Variants in ASB3 observed in about 807,000 individuals in gnomAD.
The protein encoded by ASB3 is ankyrin repeat and SOCS box protein 3.
In ASB3, 41 loss-of-function variants were observed where a neutral mutation model predicts 54.5. That is an observed-to-expected ratio of 0.75 (90% CI 0.59 to 0.98). The LOEUF is 0.98. Ranked by LOEUF, ASB3 falls within the 50% of genes least tolerant of loss-of-function variation. The pLI, the probability that ASB3 is intolerant of heterozygous loss-of-function variation, is 0.00. For missense variants in ASB3, 733 were observed against 620.0 expected (o/e 1.18, Z -1.94); for synonymous variants, 266 against 221.2 (o/e 1.20, Z -1.80).
rs369602324 is a variant in ASB3, at chr2:53,781,293, T to C, written c.-14+5528A>G. Among the ~76,000 whole-genome samples the C allele has an allele frequency of 4.6e-5, 7 of 152,018 alleles. No homozygotes were observed. The South Asian group carries it at 6.2e-4, about 14-fold the overall frequency. On this transcript the variant is annotated intron_variant, in intron 1 of 9. Coordinates refer to ENST00000263634, the MANE Select transcript of ASB3 (RefSeq NM_016115.5). Reference sequence around the variant, plus strand: ...CAGGCGTGGTGGTGCACACCTGTAGTTCCAGCTACTGAGAAGGCTGAGGTG... The same window carrying C: ...CAGGCGTGGTGGTGCACACCTGTAGCTCCAGCTACTGAGAAGGCTGAGGTG...
intron 7 of ASB3, among the ~76,000 whole-genome samples, chr2:53,702,817 A>T (rs1441324166): frequency 6.6e-6 from 1 of 152,256 alleles, no homozygotes; most frequent in African/African-American, 2.4e-5. Flanking sequence ...TACTTTAAAC[A>T]AATAGAAATG....
chr2:53,727,843 A>C (rs774772260), intron 5 of ASB3, among the ~76,000 whole-genome samples: 45 of 152,018 alleles, frequency 3.0e-4, no homozygotes, highest in Non-Finnish European at 4.4e-4. Context: ...CTCATGTCTC[A>C]GCTTCCCTAG....
Position 53,750,830 on chromosome 2 carries a change from GC to G in ASB3, c.307del (p.Ala103GlnfsTer8). 6.2e-7 allele frequency: 1 copy of G among 1,601,872 alleles called. No individual in the cohort carries two copies. Among genetic ancestry groups the G allele is most frequent in the Non-Finnish European group, 8.5e-7 (1 of 1,174,172 alleles). ...TTCTAAAGTAGTTGCATTAGGATCT[GC>G]CCCAGCTTCTAAAAGAATCTGTACG... ...KIVQILLEAG[A>X]DPNATTLEET... On this transcript the variant is annotated frameshift_variant, in exon 3 of 10. Transcript: ENST00000263634. LOFTEE classifies it high-confidence loss of function.
intron 9 of ASB3, among the ~76,000 whole-genome samples, chr2:53,692,074 C>A (rs1668947387): frequency 6.6e-6 from 1 of 152,124 alleles, no homozygotes; most frequent in African/African-American, 2.4e-5. Context: ...GCATCCCTGG[C>A]CTCTACCCCT....
intron 2 of ASB3, among the ~76,000 whole-genome samples, chr2:53,751,998 C>T (rs1354570010): frequency 6.6e-6 from 1 of 152,114 alleles, no homozygotes; most frequent in African/African-American, 2.4e-5. Context: ...TCAGACATGA[C>T]CCTTATTTCA....
At chr2:53,775,967 A>G (rs1006609463) in intron 1 of ASB3, among the ~76,000 whole-genome samples, 2 of 152,348 alleles carry the variant, frequency 1.3e-5, no homozygotes, top group Middle Eastern at 3.4e-3. Context: ...TAACTCACAT[A>G]GAATTAACTT....
intron 7 of ASB3, among the ~76,000 whole-genome samples, chr2:53,712,609 A>G (rs1418771609): frequency 6.6e-6 from 1 of 152,192 alleles, no homozygotes; most frequent in Non-Finnish European, 1.5e-5. Context: ...TAACAGGGGT[A>G]CTACATTATA....
chr2:53,696,357 C>T (rs1669181112), intron 8 of ASB3, among the ~76,000 whole-genome samples: 2 of 152,028 alleles, frequency 1.3e-5, no homozygotes. Flanking sequence ...CTTATTGCGA[C>T]AAAAATTCTC....
chr2:53,772,622 T>G (rs1415621912), intron 1 of ASB3, among the ~76,000 whole-genome samples: 1 of 152,152 alleles, frequency 6.6e-6, no homozygotes, highest in Admixed American at 6.6e-5. Flanking sequence ...ACCAGTCTCA[T>G]TTTCAGCAGA....
chr2:53,690,346 G>A (rs1668846886), intron 9 of ASB3, among the ~76,000 whole-genome samples: 1 of 152,162 alleles, frequency 6.6e-6, no homozygotes, highest in Non-Finnish European at 1.5e-5. Context: ...TCCATTTACA[G>A]ATATTCTAAA....
At chr2:53,707,866 G>T (rs766272513) in intron 7 of ASB3, among the ~76,000 whole-genome samples, 2 of 150,966 alleles carry the variant, frequency 1.3e-5, no homozygotes, top group African/African-American at 2.4e-5. Context: ...GGAGGCTGAC[G>T]CACGAGAATT....
At chr2:53,703,399 C>T (rs1000844117) in intron 7 of ASB3, among the ~76,000 whole-genome samples, 2 of 152,080 alleles carry the variant, frequency 1.3e-5, no homozygotes, top group African/African-American at 4.8e-5. Context: ...AGAATACCTA[C>T]CAAAAATGTT....
chr2:53,772,166 G>A (rs1290090182), intron 1 of ASB3, among the ~76,000 whole-genome samples: 1 of 148,342 alleles, frequency 6.7e-6, no homozygotes, highest in African/African-American at 2.6e-5. Flanking sequence ...CAAATAGCAT[G>A]TAGTTTTCGT....
At chr2:53,751,037 A>C (rs878972589) in intron 2 of ASB3, 96 bp from the exon 3 acceptor site, 1 of 1,329,764 alleles carries the variant, frequency 7.5e-7, no homozygotes, top group South Asian at 2.3e-5. Context: ...TGAACTATTA[A>C]AATGTAAGTA....
intron 3 of ASB3, among the ~76,000 whole-genome samples, chr2:53,737,161 G>A (rs575124034): frequency 6.6e-6 from 1 of 152,110 alleles, no homozygotes; most frequent in African/African-American, 2.4e-5. Flanking sequence ...AACTTACTCG[G>A]GTATTAATCA....
intron 7 of ASB3, among the ~76,000 whole-genome samples, chr2:53,707,731 G>T (rs1004491732): frequency 1.3e-5 from 2 of 151,738 alleles, no homozygotes; most frequent in African/African-American, 4.8e-5. Context: ...GGAGGTGAAG[G>T]GGGGCAGATC....
chr2:53,770,167 C>G (rs927167853), intron 1 of ASB3, among the ~76,000 whole-genome samples: 5 of 152,016 alleles, frequency 3.3e-5, no homozygotes, highest in African/African-American at 1.2e-4. Flanking sequence ...ATCTAAATGT[C>G]CAAGAACACA....
intron 3 of ASB3, among the ~76,000 whole-genome samples, chr2:53,748,624 C>A (rs753723433): frequency 1.3e-5 from 2 of 152,162 alleles, no homozygotes; most frequent in Non-Finnish European, 2.9e-5. Context: ...GAAACACAAA[C>A]CCTGAACCTT....
chr2:53,784,564 G>A (rs1465359451), intron 1 of ASB3, among the ~76,000 whole-genome samples: 1 of 152,144 alleles, frequency 6.6e-6, no homozygotes, highest in Non-Finnish European at 1.5e-5. Context: ...TCTAAAGAAG[G>A]ATTCTTCCTT....
Sources: allele counts gnomAD v4.1 joint callset (sites outside exome capture counted in the v4.1 genomes callset), GRCh38; gene constraint gnomAD v4.1.1; transcripts MANE v1.5; gene names NCBI Gene and HGNC (gene_info 2026-07-23, HGNC 2026-07-21).